Variants in SYT1 observed in about 807,000 individuals in gnomAD.
SYT1 encodes synaptotagmin 1.
A neutral mutation model predicts 44.8 loss-of-function variants in SYT1; 8 were observed. The observed-to-expected ratio is 0.18, with a 90% CI of 0.10 to 0.32. The LOEUF is 0.32. SYT1 is among the 10% of genes least tolerant of loss of function. SYT1 has a pLI of 1.00. For synonymous variants in SYT1, 154 were observed against 188.8 expected (o/e 0.82, Z 1.51); for missense variants, 286 against 509.3 (o/e 0.56, Z 4.22).
At chr12:79,082,267 A>G (rs944893519) in intron 3 of SYT1, among the ~76,000 whole-genome samples, 2 of 152,068 alleles carry the variant, frequency 1.3e-5, no homozygotes, top group Non-Finnish European at 2.9e-5. Flanking sequence ...TCTTTTCTGT[A>G]TGTTTCCACA....
intron 3 of SYT1, among the ~76,000 whole-genome samples, chr12:79,195,775 G>A (rs111589022): frequency 1.3e-5 from 2 of 152,038 alleles, no homozygotes; most frequent in African/African-American, 4.8e-5. Context: ...GTCTAACTTG[G>A]GATAAACTAA....
intron 10 of SYT1, among the ~76,000 whole-genome samples, chr12:79,445,074 C>T (rs181566642): frequency 2.0e-5 from 3 of 152,074 alleles, no homozygotes; most frequent in Admixed American, 2.0e-4. Context: ...CACAAGTTTG[C>T]CCATAACTTG....
intron 3 of SYT1, among the ~76,000 whole-genome samples, chr12:79,179,812 T>C (rs1338165910): frequency 2.0e-5 from 3 of 152,156 alleles, no homozygotes; most frequent in Non-Finnish European, 2.9e-5. Flanking sequence ...CCTTGGACAA[T>C]GTACCACTAA....
At chr12:79,209,114 C>G (rs1009275101) in intron 3 of SYT1, among the ~76,000 whole-genome samples, 5 of 152,180 alleles carry the variant, frequency 3.3e-5, no homozygotes, top group Non-Finnish European at 5.9e-5. Flanking sequence ...TAAGTCAGCT[C>G]TCATCCATAG....
chr12:79,138,755 T>C (rs1201590237), intron 3 of SYT1, among the ~76,000 whole-genome samples: 1 of 152,202 alleles, frequency 6.6e-6, no homozygotes, highest in Admixed American at 6.5e-5. Context: ...TTTTTTCCCT[T>C]TTTGTATATT....
At chr12:79,341,176 A>T (rs545443890) in intron 8 of SYT1, 20 of 152,336 alleles carry the variant, frequency 1.3e-4, no homozygotes, top group Admixed American at 3.9e-4. Context: ...TTTTAAGTGG[A>T]TCACTAATTA....
At chr12:79,334,278 G>A (rs1375285526) in intron 8 of SYT1, among the ~76,000 whole-genome samples, 1 of 151,866 alleles carries the variant, frequency 6.6e-6, no homozygotes, top group Non-Finnish European at 1.5e-5. Context: ...TCTCTTGTCT[G>A]TAACTCTATA....
chr12:79,102,155 A>T (rs1878480827), intron 3 of SYT1, among the ~76,000 whole-genome samples: 1 of 152,102 alleles, frequency 6.6e-6, no homozygotes, highest in Non-Finnish European at 1.5e-5. Flanking sequence ...TATCATTCAC[A>T]TTATAAATAA....
chr12:79,055,002 T>G (rs764581674), intron 3 of SYT1, among the ~76,000 whole-genome samples: 72 of 151,984 alleles, frequency 4.7e-4, no homozygotes, highest in Non-Finnish European at 9.3e-4. Context: ...TCTTTTATAA[T>G]CTTATTATAG....
chr12:79,183,949 A>G (rs1158895549), intron 3 of SYT1, among the ~76,000 whole-genome samples: 1 of 152,094 alleles, frequency 6.6e-6, no homozygotes, highest in Non-Finnish European at 1.5e-5. Context: ...AGCAGCTCAC[A>G]GCAGGGCCAC....
chr12:79,094,945 AAAAG>A (rs1270098081), intron 3 of SYT1, among the ~76,000 whole-genome samples: 3 of 151,994 alleles, frequency 2.0e-5, no homozygotes, highest in Non-Finnish European at 4.4e-5. Context: ...AAGGCAGTCA[AAAAG>A]AAAGAAAAGC....
chr12:79,013,146 G>A (rs754611955), intron 2 of SYT1, among the ~76,000 whole-genome samples: 17 of 152,034 alleles, frequency 1.1e-4, no homozygotes, highest in Non-Finnish European at 2.5e-4. Flanking sequence ...CTTGTAGAGT[G>A]CACTTCTCTG....
At chr12:79,147,688 G>C (rs996408862) in intron 3 of SYT1, among the ~76,000 whole-genome samples, 1 of 152,048 alleles carries the variant, frequency 6.6e-6, no homozygotes, top group East Asian at 1.9e-4. Flanking sequence ...CCATCACAAT[G>C]ATTAAAAATA....
chr12:79,293,954 C>G (rs1879760697), intron 6 of SYT1, among the ~76,000 whole-genome samples: 1 of 152,058 alleles, frequency 6.6e-6, no homozygotes, highest in Non-Finnish European at 1.5e-5. Flanking sequence ...TGGTTAGGAG[C>G]AAAACCTCTT....
chr12:79,301,780 T>C (rs1168429824), intron 8 of SYT1, among the ~76,000 whole-genome samples: 3 of 152,128 alleles, frequency 2.0e-5, no homozygotes, highest in African/African-American at 7.2e-5. Context: ...GAAATATTAA[T>C]TTTATCATTA....
At chr12:78,910,034 C>T (rs60189516) in intron 1 of SYT1, among the ~76,000 whole-genome samples, 11,780 of 151,972 alleles carry the variant, frequency 0.078, 741 homozygotes, top group African/African-American at 0.17. Context: ...CAGCCCCCAA[C>T]CCTGTTGTTT....
intron 8 of SYT1, among the ~76,000 whole-genome samples, chr12:79,325,305 T>C (rs764477582): frequency 3.5e-4 from 53 of 152,248 alleles, no homozygotes; most frequent in Non-Finnish European, 6.2e-4. Flanking sequence ...TTAAATCAGT[T>C]TCAGAATGTG....
intron 8 of SYT1, among the ~76,000 whole-genome samples, chr12:79,310,029 C>T (rs1880691073): frequency 6.6e-6 from 1 of 152,130 alleles, no homozygotes; most frequent in Admixed American, 6.5e-5. Context: ...AATTACATCC[C>T]ATTTGTCAAT....
At chr12:79,332,811 A>G (rs542128526) in intron 8 of SYT1, among the ~76,000 whole-genome samples, 6 of 152,222 alleles carry the variant, frequency 3.9e-5, no homozygotes, top group Admixed American at 2.0e-4. Context: ...TTCTTAATCT[A>G]TGTGTCTACA....
Sources: gnomAD v4.1 joint callset for allele counts (sites outside exome capture counted in the v4.1 genomes callset) on GRCh38, gnomAD v4.1.1 for gene constraint, MANE v1.5 for transcripts, NCBI Gene and HGNC (gene_info 2026-07-23, HGNC 2026-07-21) for gene names.